The following DHRSX variants were observed in gnomAD, a reference collection of about 807,000 sequenced individuals.
DHRSX encodes dehydrogenase/reductase X-linked.
Under a neutral mutation model 34.0 loss-of-function variants are expected in DHRSX, and 31 were observed. That is an observed-to-expected ratio of 0.91 (90% CI 0.69 to 1.23). The LOEUF is 1.23. Among genes scored for constraint, DHRSX ranks in the 50% most tolerant of loss-of-function variants. The pLI, the probability that DHRSX is intolerant of heterozygous loss-of-function variation, is 0.00. For synonymous variants in DHRSX, 201 were observed against 183.8 expected (o/e 1.09, Z -0.76); for missense variants, 414 against 428.1 (o/e 0.97, Z 0.29).
At chrX:2,341,493 T>C (rs1340667697) in intron 3 of DHRSX, among the ~76,000 whole-genome samples, 1 of 152,118 alleles carries the variant, frequency 6.6e-6, no homozygotes, top group African/African-American at 2.4e-5. Context: ...TTCTCCTCTG[T>C]GTCTGTGTCT....
intron 6 of DHRSX, among the ~76,000 whole-genome samples, chrX:2,241,904 C>A (rs867908637): frequency 6.6e-6 from 1 of 151,924 alleles, no homozygotes; most frequent in African/African-American, 2.4e-5. Flanking sequence ...AACGAAACTC[C>A]GTCTCAAAAA....
intron 5 of DHRSX, among the ~76,000 whole-genome samples, chrX:2,246,467 C>T (rs2016284314): frequency 6.6e-6 from 1 of 151,782 alleles, no homozygotes; most frequent in Non-Finnish European, 1.5e-5. Flanking sequence ...ACTAAAAATA[C>T]AAAAAATTAG....
chrX:2,447,756 T>C (rs897959948), intron 1 of DHRSX, among the ~76,000 whole-genome samples: 3 of 133,454 alleles, frequency 2.2e-5, no homozygotes, highest in African/African-American at 8.8e-5. Context: ...GAAAATACAA[T>C]GTGAAGTGAA....
chrX:2,239,261 T>C (rs2016084866), intron 6 of DHRSX, among the ~76,000 whole-genome samples: 1 of 152,128 alleles, frequency 6.6e-6, no homozygotes, highest in South Asian at 2.1e-4. Context: ...CCAGCCATGG[T>C]GGCTCATGCC....
Position 2,318,698 on chromosome X carries a change from C to G in DHRSX, c.287-27095G>C, listed in dbSNP as rs185369969. ...GCCCACCGGCTTCCCAGAAAACTCA[C>G]GAATAATCTTTCCCTTGTTTCGCAC... On this transcript the variant is annotated intron_variant, in intron 3 of 6. Coordinates refer to ENST00000334651, the MANE Select transcript of DHRSX (RefSeq NM_145177.3). Among the ~76,000 whole-genome samples the G allele has an allele frequency of 4.0e-3, 601 of 151,250 alleles. 1 individual carries two copies. The highest frequency in any genetic ancestry group is 0.014 in the African/African-American group (578 of 40,718).
chrX:2,323,431 C>T (rs963180059), intron 3 of DHRSX, among the ~76,000 whole-genome samples: 2 of 152,008 alleles, frequency 1.3e-5, no homozygotes, highest in African/African-American at 4.8e-5. Flanking sequence ...TCAAGACAGG[C>T]CAAGGCAGAA....
At chrX:2,284,816 C>A (rs1380337836) in intron 4 of DHRSX, among the ~76,000 whole-genome samples, 1 of 152,146 alleles carries the variant, frequency 6.6e-6, no homozygotes, top group Admixed American at 6.5e-5. Flanking sequence ...CAGACAGAGG[C>A]AGTCAGGTTC....
intron 1 of DHRSX, among the ~76,000 whole-genome samples, chrX:2,477,363 C>T (rs746317008): frequency 2.6e-5 from 4 of 152,272 alleles, no homozygotes; most frequent in Admixed American, 1.3e-4. Flanking sequence ...ACAGTCAGCT[C>T]GCCACACGGG....
chrX:2,453,544 C>T (rs1440252910), intron 1 of DHRSX, among the ~76,000 whole-genome samples: 1 of 151,954 alleles, frequency 6.6e-6, no homozygotes, highest in Admixed American at 6.6e-5. Flanking sequence ...TGGTGGTGTG[C>T]ACCTGTACTC....
chrX:2,390,778 C>T (rs928073214), intron 3 of DHRSX, among the ~76,000 whole-genome samples: 2 of 152,242 alleles, frequency 1.3e-5, no homozygotes, highest in Non-Finnish European at 2.9e-5. Flanking sequence ...GCATTAATGT[C>T]CTCAAGGTTA....
intron 2 of DHRSX, among the ~76,000 whole-genome samples, chrX:2,417,856 C>A (rs1350997410): frequency 8.5e-5 from 13 of 152,228 alleles, no homozygotes; most frequent in Non-Finnish European, 1.6e-4. Context: ...CTCATCATGA[C>A]ATAGCCAAAC....
intron 3 of DHRSX, among the ~76,000 whole-genome samples, chrX:2,350,379 A>G (rs2042775402): frequency 6.6e-6 from 1 of 152,152 alleles, no homozygotes. Flanking sequence ...CAGTACATAC[A>G]GACAATGGAA....
chrX:2,335,815 C>T (rs960079332), intron 3 of DHRSX, among the ~76,000 whole-genome samples: 6 of 151,770 alleles, frequency 4.0e-5, no homozygotes, highest in Admixed American at 6.6e-5. Context: ...TTGACTTTTC[C>T]CTTGAGCTTA....
At chrX:2,263,206 C>G (rs1412336346) in intron 5 of DHRSX, among the ~76,000 whole-genome samples, 1 of 152,190 alleles carries the variant, frequency 6.6e-6, no homozygotes, top group Admixed American at 6.5e-5. Context: ...GTGTCTGTCT[C>G]CAAATTCCTA....
chrX:2,326,932 C>T (rs1304722376), intron 3 of DHRSX, among the ~76,000 whole-genome samples: 1 of 152,030 alleles, frequency 6.6e-6, no homozygotes, highest in East Asian at 1.9e-4. Flanking sequence ...CTGCCTCAGC[C>T]TCCTGAGTAG....
intron 3 of DHRSX, among the ~76,000 whole-genome samples, chrX:2,333,665 G>A (rs1390114991): frequency 2.6e-5 from 4 of 151,960 alleles, no homozygotes; most frequent in East Asian, 1.9e-4. Context: ...TGCCCACCTC[G>A]GCCTCCCAAA....
intron 1 of DHRSX, among the ~76,000 whole-genome samples, chrX:2,451,117 T>C (rs2044210678): frequency 6.6e-6 from 1 of 151,160 alleles, no homozygotes; most frequent in African/African-American, 2.4e-5. Flanking sequence ...TTTTAGCAGC[T>C]CCCTACTCAG....
At position 2,490,090 on chromosome X, in the gene DHRSX, G is replaced by A. The variant is rs147426620; in HGVS notation, c.109+10727C>T. 2.3e-5 allele frequency: 37 copies of A among 1,613,728 alleles called. No individual in the cohort carries two copies. In the African/African-American group the frequency reaches 2.4e-4, roughly 10 times the overall value. On this transcript the variant is annotated intron_variant, in intron 1 of 6. Coordinates refer to ENST00000334651, the MANE Select transcript of DHRSX (RefSeq NM_145177.3). ...CCAGGAAGTGGGCGGCCAGCGTGAC[G>A]TAGGCGCGGTTCTGATTCTCACTCC...
chrX:2,226,408 A>G lies in DHRSX; in HGVS notation c.805-5179T>C, dbSNP rs1194458129. On this transcript the variant is annotated intron_variant, in intron 6 of 6. Coordinates refer to ENST00000334651, the MANE Select transcript of DHRSX (RefSeq NM_145177.3). ...AAACAGAGCCCTCTGTGTTCATGGG[A>G]CTGTTCAAGAACACCAAGGGTTCCT... Among the ~76,000 whole-genome samples the G allele has an allele frequency of 2.6e-5, 4 of 152,016 alleles. No homozygotes were observed. In the East Asian group the frequency reaches 7.7e-4, roughly 29 times the overall value.
Sources: allele counts gnomAD v4.1 joint callset (sites outside exome capture counted in the v4.1 genomes callset), GRCh38; gene constraint gnomAD v4.1.1; transcripts MANE v1.5; gene names NCBI Gene and HGNC (gene_info 2026-07-23, HGNC 2026-07-21).